MGAT1: variants seen among roughly 807,000 people sequenced by gnomAD.
The protein encoded by MGAT1 is alpha-1,3-mannosyl-glycoprotein 2-beta-N-acetylglucosaminyltransferase, also known as N-glycosyl-oligosaccharide-glycoprotein N-acetylglucosaminyltransferase I.
A neutral mutation model predicts 31.7 loss-of-function variants in MGAT1; 14 were observed. The ratio of observed to expected loss-of-function variants is 0.44; its 90% CI spans 0.29 to 0.69. The LOEUF (loss-of-function observed/expected upper bound fraction) is 0.69, where lower values mean the gene tolerates loss of function less well. MGAT1 is among the 30% of genes least tolerant of loss of function. The probability of loss-of-function intolerance (pLI) is 0.12; values close to 1 mark genes in which losing one functional copy is unlikely to be tolerated. For missense variants in MGAT1, 557 were observed against 626.0 expected, an observed-to-expected ratio of 0.89 and a Z score of 1.18; for synonymous variants, 338 against 276.0, an observed-to-expected ratio of 1.22 and a Z score of -2.23.
intron 1 of MGAT1, chr5:180,809,411 G>A (rs1177550196): frequency 6.6e-6 from 1 of 152,118 alleles, no homozygotes; most frequent in Non-Finnish European, 1.5e-5. Context: ...AAGAAATCGA[G>A]AAAAGAACGC....
chr5:180,800,760 A>T (rs1307031469), intron 1 of MGAT1, among the ~76,000 whole-genome samples: 1 of 152,252 alleles, frequency 6.6e-6, no homozygotes, highest in African/African-American at 2.4e-5. Context: ...ACAATGTCAA[A>T]CTATAACTAC....
chr5:180,798,700 T>C (rs903950693), intron 1 of MGAT1, among the ~76,000 whole-genome samples: 1 of 152,262 alleles, frequency 6.6e-6, no homozygotes, highest in Non-Finnish European at 1.5e-5. Flanking sequence ...TGGTAAAATC[T>C]GATCTGATCT....
intron 1 of MGAT1, chr5:180,795,648 CCTTATA>C (rs1470997968): frequency 6.6e-6 from 1 of 152,160 alleles, no homozygotes; most frequent in Non-Finnish European, 1.5e-5. Flanking sequence ...GTACGAATAT[CCTTATA>C]CTATTTTTTA....
At chr5:180,811,660 C>T (rs1430571724) in intron 1 of MGAT1, among the ~76,000 whole-genome samples, 1 of 152,126 alleles carries the variant, frequency 6.6e-6, no homozygotes, top group African/African-American at 2.4e-5. Context: ...GTCTCCCTGC[C>T]CTCCCTACCC....
intron 2 of MGAT1, among the ~76,000 whole-genome samples, chr5:180,807,918 C>T (rs1772066819): frequency 6.6e-6 from 1 of 152,178 alleles, no homozygotes; most frequent in Non-Finnish European, 1.5e-5. Context: ...AGAGCAACAT[C>T]GATGTTATTG....
chr5:180,802,443 C>T (rs1771029605), intron 1 of MGAT1, among the ~76,000 whole-genome samples: 1 of 152,178 alleles, frequency 6.6e-6, no homozygotes, highest in Non-Finnish European at 1.5e-5. Context: ...CGCCCTTCCT[C>T]TAACAGCTGG....
intron 1 of MGAT1, among the ~76,000 whole-genome samples, chr5:180,794,794 C>G (rs992512407): frequency 2.3e-4 from 35 of 152,154 alleles, no homozygotes; most frequent in African/African-American, 8.2e-4. Flanking sequence ...CCAGGGATAA[C>G]AGGCTGTTAT....
chr5:180,812,022 C>G (rs1265094144), intron 1 of MGAT1, among the ~76,000 whole-genome samples: 1 of 152,214 alleles, frequency 6.6e-6, no homozygotes, highest in Non-Finnish European at 1.5e-5. Context: ...GCTAGTCTCC[C>G]TTGGCCTGCT....
chr5:180,814,887 G>A (rs1772773249), intron 1 of MGAT1, among the ~76,000 whole-genome samples: 1 of 151,238 alleles, frequency 6.6e-6, no homozygotes, highest in African/African-American at 2.4e-5. Flanking sequence ...GTTGCAGTGA[G>A]CTGAGATCGC....
Position 180,792,315 on chromosome 5 carries a change from G to A in MGAT1, c.657C>T (p.Phe219=), listed in dbSNP as rs1441573730. The part of the protein sequence containing the change: ...EDDLEVAPDF[F]EYFRATYPLL... ...GCGGATAGGTGGCCCGAAAGTACTC[G>A]AAGAAGTCCGGGGCCACCTCCAGGT... Residue 219 remains phenylalanine (F), a synonymous_variant, in exon 2 of 2, where the codon TTC becomes TTT. Coordinates refer to ENST00000307826, the MANE Select transcript of MGAT1 (RefSeq NM_002406.4). 3 of 1,610,338 alleles carry A rather than the reference G, an allele frequency of 1.9e-6. No homozygotes were observed. Among genetic ancestry groups the A allele is most frequent in the Non-Finnish European group, 2.5e-6 (3 of 1,177,824 alleles).
rs1276975028 is a variant in MGAT1, at chr5:180,791,048, G to C, written c.*586C>G. On this transcript the variant is annotated 3_prime_UTR_variant, in exon 2 of 2. Transcript: ENST00000307826. ...ACTTTCCATCTCAGAACTATAAACT[G>C]CTAGGCTGCAAGGAGAGAAGGGCTA... 13 of 153,932 alleles carry C rather than the reference G, an allele frequency of 8.4e-5. No individual in the cohort carries two copies. Among genetic ancestry groups the C allele is most frequent in the Non-Finnish European group, 1.4e-5 (1 of 69,406 alleles). The allele number at this position is 153,932 out of a possible 1,614,324, so 9.5% of individuals were successfully genotyped here.
Position 180,788,994 on chromosome 5 carries a change from C to T in MGAT1, c.*2640G>A, listed in dbSNP as rs943379540. On this transcript the variant is annotated 3_prime_UTR_variant, in exon 2 of 2. Coordinates refer to ENST00000307826, the MANE Select transcript of MGAT1 (RefSeq NM_002406.4). ...GGAAAGGGCACAATGCAGCTATCGC[C>T]GGGCCGATTCCACGTCTGAAATCAC... 5 of 152,246 alleles carry T rather than the reference C, an allele frequency of 3.3e-5. No individual in the cohort carries two copies. Among genetic ancestry groups the T allele is most frequent in the African/African-American group, 7.2e-5 (3 of 41,452 alleles). The allele number at this position is 152,246 out of a possible 1,614,324, so 9.4% of individuals were successfully genotyped here.
chr5:180,793,367 T>G (rs1768650594), intron 1 of MGAT1, among the ~76,000 whole-genome samples: 4 of 152,026 alleles, frequency 2.6e-5, no homozygotes, highest in Admixed American at 2.0e-4. Flanking sequence ...CCCCTCCAGG[T>G]GGGAAGGAGG....
Position 180,792,027 on chromosome 5 carries a change from G to A in MGAT1, c.945C>T (p.Gly315=), listed in dbSNP as rs1768217088. ...ACTGCCCGTGGCTCACACCCTTGCG[G>A]CCAAAGGTCATCGTTCTTGAGATCT... ...RPEISRTMTF[G]RKGVSHGQFF... The change falls in exon 2 of 2, where the codon GGC becomes GGT. Residue 315 remains glycine, a synonymous_variant. Coordinates refer to ENST00000307826, the MANE Select transcript of MGAT1 (RefSeq NM_002406.4). 2.5e-6 allele frequency: 4 copies of A among 1,614,050 alleles called. No individual in the cohort carries two copies. The highest frequency in any genetic ancestry group is 3.4e-6 in the Non-Finnish European group (4 of 1,180,030).
Position 180,791,672 on chromosome 5 carries a change from G to A in MGAT1, c.1300C>T (p.Pro434Ser), listed in dbSNP as rs1166862977. ...FRGRRVHLAP[P>S]LTWEGYDPSW... ...GGATCATAGCCCTCCCACGTCAGTG[G>A]GGGCGCCAGGTGGACACGGCGGCCC... Residue 434 changes from proline (P) to serine (S), a missense_variant, in exon 2 of 2, where the codon CCA becomes TCA. Physicochemically the swap from Pro to Ser is moderately conservative, Grantham distance 74. This residue lies in a region of MGAT1 where 145 missense variants were observed against 143.2 expected (regional missense o/e 1.01). Coordinates refer to ENST00000307826, the MANE Select transcript of MGAT1 (RefSeq NM_002406.4). 3.1e-6 allele frequency: 5 copies of A among 1,613,834 alleles called. No individual in the cohort carries two copies. The highest frequency in any genetic ancestry group is 2.2e-5 in the South Asian group (2 of 91,076).
In MGAT1 at chr5:180,795,036, C is replaced by A. The variant is rs1769035405; in HGVS notation, c.-126-1939G>T. Among the ~76,000 whole-genome samples the A allele has an allele frequency of 2.0e-5, 3 of 152,300 alleles. No homozygotes were observed. In the South Asian group the frequency reaches 6.2e-4, roughly 32 times the overall value. ...AAACCACTGACATACACAACACAATCTCCAAATAATTACACAATATGGGTC... is the reference window on the plus strand; with the variant it reads ...AAACCACTGACATACACAACACAATATCCAAATAATTACACAATATGGGTC... On this transcript the variant is annotated intron_variant, in intron 1 of 1. Transcript: ENST00000307826.
chr5:180,792,088 G>C lies in MGAT1; in HGVS notation c.884C>G (p.Pro295Arg). ...GCAGGCCCGCCCCTGCCGCTGCTCC[G>C]GCCGCCGCATCCAGTCGTCCCAGAA... ...KAFWDDWMRR[P>R]EQRQGRACIR... The change falls in exon 2 of 2, where the codon CCG (proline) becomes CGG (arginine). Residue 295 changes from proline to arginine, a missense_variant. Physicochemically the swap from Pro to Arg is moderately radical, Grantham distance 103 (BLOSUM62 -2). This residue lies in a region of MGAT1 where 245 missense variants were observed against 332.9 expected (regional missense o/e 0.74). Transcript: ENST00000307826. The C allele has an allele frequency of 1.9e-6, 3 of 1,612,804 alleles. No individual in the cohort carries two copies. Among genetic ancestry groups the C allele is most frequent in the Non-Finnish European group, 8.5e-7 (1 of 1,179,858 alleles).
In MGAT1 at chr5:180,793,087, C is replaced by T. The variant is rs1768593074; in HGVS notation, c.-116G>A. The T allele has an allele frequency of 3.2e-6, 4 of 1,238,686 alleles. No individual in the cohort carries two copies. Among genetic ancestry groups the T allele is most frequent in the Non-Finnish European group, 2.2e-6 (2 of 899,904 alleles). 76.7% of individuals were successfully genotyped at this position (1,238,686 alleles called of 1,614,324 possible). A position where few individuals can be genotyped will look rare whatever the true frequency, so the allele number is the denominator to read the frequency against. ...TCCTCTGGACTATGGGATTAGGAGG[C>T]AGCCATGCACCTAAAGACAGGAGAG... On this transcript the variant is annotated 5_prime_UTR_variant, in exon 2 of 2. Coordinates refer to ENST00000307826, the MANE Select transcript of MGAT1 (RefSeq NM_002406.4).
rs577029650 is a variant in MGAT1 at position 180,798,458 on chromosome 5, CA to C, written c.-127+4221del. On this transcript the variant is annotated intron_variant, in intron 1 of 1. Coordinates refer to ENST00000307826, the MANE Select transcript of MGAT1 (RefSeq NM_002406.4). ...TACCCTTCACCAACAGCAACAAGCG[CA>C]ACCACTTGCTCAACTTCTCTCAGGC... 4.4e-3 allele frequency among the ~76,000 whole-genome samples: 663 copies of C among 152,288 alleles called. 2 individuals are homozygous for C. The highest frequency in any genetic ancestry group is 6.7e-3 in the Non-Finnish European group (459 of 68,024).
Sources: gnomAD v4.1 joint callset for allele counts (sites outside exome capture counted in the v4.1 genomes callset) on GRCh38, gnomAD v4.1.1 for gene constraint, gnomAD v4.1.1 regional missense constraint, MANE v1.5 for transcripts, NCBI Gene and HGNC (gene_info 2026-07-23, HGNC 2026-07-21) for gene names.